TENM2: variants seen among roughly 807,000 people sequenced by gnomAD.
The protein encoded by TENM2 is teneurin-2.
In TENM2, 52 loss-of-function variants were observed where a neutral mutation model predicts 245.2. The observed-to-expected ratio is 0.21, with a 90% confidence interval of 0.17 to 0.27. The LOEUF is 0.27. Among genes scored for constraint, TENM2 ranks in the 10% least tolerant of loss-of-function variants. The pLI is 1.00. For missense variants in TENM2, 3,046 were observed against 3,666.8 expected (o/e 0.83, Z 4.37); for synonymous variants, 1,363 against 1,438.9 (o/e 0.95, Z 1.19).
intron 2 of TENM2, among the ~76,000 whole-genome samples, chr5:167,657,792 A>C (rs1436714338): frequency 6.6e-6 from 1 of 152,232 alleles, no homozygotes; most frequent in Non-Finnish European, 1.5e-5. Flanking sequence ...GCTGTGTTTC[A>C]ACAAATCTTA....
At chr5:167,065,283 T>G in the TENM2 span, among the ~76,000 whole-genome samples, 1 of 152,246 alleles carries the variant, frequency 6.6e-6, no homozygotes, top group African/African-American at 2.4e-5. Context: ...GCTTGATCTA[T>G]TTAATGATTG....
intron 2 of TENM2, among the ~76,000 whole-genome samples, chr5:167,781,334 T>C (rs897142363): frequency 6.6e-6 from 1 of 152,202 alleles, no homozygotes; most frequent in African/African-American, 2.4e-5. Context: ...TGTTACAAAA[T>C]AGTGATGCAA....
At chr5:167,804,367 A>T (rs755925349) in intron 2 of TENM2, among the ~76,000 whole-genome samples, 1 of 152,090 alleles carries the variant, frequency 6.6e-6, no homozygotes, top group African/African-American at 2.4e-5. Context: ...ATACTTTGAC[A>T]TTCTATGCTG....
chr5:168,036,362 C>T (rs111830278), intron 5 of TENM2, among the ~76,000 whole-genome samples: 18,733 of 151,998 alleles, frequency 0.12, 1,320 homozygotes, highest in Admixed American at 0.21. Context: ...TTGGGATGGG[C>T]GTGGTGGCTC....
the TENM2 span, among the ~76,000 whole-genome samples, chr5:167,213,800 T>A: frequency 6.6e-6 from 1 of 152,196 alleles, no homozygotes; most frequent in South Asian, 2.1e-4. Flanking sequence ...TATATTCCTA[T>A]GGGAAAATTT....
At chr5:167,802,230 G>T (rs1765835693) in intron 2 of TENM2, among the ~76,000 whole-genome samples, 1 of 152,138 alleles carries the variant, frequency 6.6e-6, no homozygotes, top group Non-Finnish European at 1.5e-5. Flanking sequence ...ATGAATTGGG[G>T]TGGAGACACA....
chr5:167,011,549 T>C, the TENM2 span, among the ~76,000 whole-genome samples: 1 of 152,214 alleles, frequency 6.6e-6, no homozygotes, highest in East Asian at 1.9e-4. Context: ...TGAGGGAGCA[T>C]GAGGCTCTAG....
At chr5:167,819,747 C>G (rs1054919302) in intron 2 of TENM2, among the ~76,000 whole-genome samples, 9 of 152,148 alleles carry the variant, frequency 5.9e-5, no homozygotes, top group African/African-American at 2.2e-4. Flanking sequence ...CGGACTGCAA[C>G]TTGGAGAACT....
chr5:167,505,702 A>G (rs1769496461), intron 2 of TENM2, among the ~76,000 whole-genome samples: 1 of 152,200 alleles, frequency 6.6e-6, no homozygotes, highest in South Asian at 2.1e-4. Context: ...ATAGCAACAC[A>G]TAAAATAGAT....
At chr5:167,807,233 CT>C (rs1766271385) in intron 2 of TENM2, among the ~76,000 whole-genome samples, 1 of 140,926 alleles carries the variant, frequency 7.1e-6, no homozygotes, top group Non-Finnish European at 1.5e-5. Flanking sequence ...GGGCAAAAGA[CT>C]TTTTTGGGGG....
At chr5:168,059,944 A>C (rs1254592715) in intron 6 of TENM2, among the ~76,000 whole-genome samples, 1 of 152,250 alleles carries the variant, frequency 6.6e-6, no homozygotes, top group East Asian at 1.9e-4. Context: ...ACATGAGGAC[A>C]CTGAAGCAGA....
chr5:168,137,639 T>TGA (rs1339161995), intron 12 of TENM2, among the ~76,000 whole-genome samples: 1 of 152,244 alleles, frequency 6.6e-6, no homozygotes, highest in Non-Finnish European at 1.5e-5. Context: ...TAGGTGTGTG[T>TGA]GAGCCCAGAA....
At chr5:167,212,349 G>T in the TENM2 span, among the ~76,000 whole-genome samples, 1 of 152,074 alleles carries the variant, frequency 6.6e-6, no homozygotes, top group East Asian at 1.9e-4. Context: ...AGTAGTCAAG[G>T]TTTTCATTGT....
At position 167,974,532 on chromosome 5, in the gene TENM2, A is replaced by G. The variant is rs571034916; in HGVS notation, c.948-18412A>G. 1.1e-4 allele frequency among the ~76,000 whole-genome samples: 16 copies of G among 152,344 alleles called. No homozygotes were observed. The South Asian group carries it at 3.3e-3, about 32-fold the overall frequency. On this transcript the variant is annotated intron_variant, in intron 4 of 28. Coordinates refer to ENST00000518659, the Ensembl canonical transcript of TENM2. ...ATGGGATTCATTGATAATTATCTGCATAACAGTAATAGCCAACATTTATTG... is the reference window on the plus strand; with the variant it reads ...ATGGGATTCATTGATAATTATCTGCGTAACAGTAATAGCCAACATTTATTG...
chr5:167,680,409 A>G (rs1315328746), intron 2 of TENM2, among the ~76,000 whole-genome samples: 1 of 152,124 alleles, frequency 6.6e-6, no homozygotes, highest in African/African-American at 2.4e-5. Context: ...GTGGTTCACA[A>G]ATCAGAAGTT....
chr5:167,502,827 A>C (rs1769296209), intron 2 of TENM2, among the ~76,000 whole-genome samples: 1 of 152,170 alleles, frequency 6.6e-6, no homozygotes, highest in Admixed American at 6.5e-5. Context: ...TCAATTCTAA[A>C]GCCAAATATA....
chr5:168,219,124 T>G, intron 23 of TENM2, 125 bp downstream of exon 25: 1 of 951,234 alleles, frequency 1.1e-6, no homozygotes, highest in South Asian at 1.7e-5. Flanking sequence ...TAATGATGTC[T>G]TATGGCCTCA....
intron 5 of TENM2, among the ~76,000 whole-genome samples, chr5:167,997,271 A>T (rs1191601455): frequency 6.6e-6 from 1 of 152,090 alleles, no homozygotes; most frequent in Admixed American, 6.6e-5. Flanking sequence ...TCTCCTCAAG[A>T]TTGCAGTTAA....
chr5:167,626,338 A>G (rs1422504021), intron 2 of TENM2, among the ~76,000 whole-genome samples: 1 of 151,846 alleles, frequency 6.6e-6, no homozygotes. Flanking sequence ...CTGGATTTTC[A>G]TGCTGTGTGT....
Sources: gnomAD v4.1 joint callset for allele counts (sites outside exome capture counted in the v4.1 genomes callset) on GRCh38, gnomAD v4.1.1 for gene constraint, MANE v1.5 for transcripts, NCBI Gene and HGNC (gene_info 2026-07-23, HGNC 2026-07-21) for gene names.